UNC5C: variants seen among roughly 807,000 people sequenced by gnomAD.
UNC5C encodes the protein netrin receptor UNC5C.
Under a neutral mutation model 99.8 loss-of-function variants are expected in UNC5C, and 47 were observed. The ratio of observed to expected loss-of-function variants is 0.47; its 90% CI spans 0.37 to 0.60. The LOEUF (loss-of-function observed/expected upper bound fraction) is 0.60, where lower values mean the gene tolerates loss of function less well. Among genes scored for constraint, UNC5C ranks in the 20% least tolerant of loss-of-function variants. The pLI is 0.00. For synonymous variants in UNC5C, 487 were observed against 452.2 expected (o/e 1.08, Z -0.98); for missense variants, 1,062 against 1,165.9 (o/e 0.91, Z 1.30).
Position 95,416,896 on chromosome 4 carries a change from C to T in UNC5C, c.125-81265G>A, listed in dbSNP as rs75168107. Among the ~76,000 whole-genome samples the T allele has an allele frequency of 4.1e-3, 630 of 152,258 alleles. 10 individuals are homozygous for T. The highest frequency in any genetic ancestry group is 0.015 in the African/African-American group (607 of 41,534). ...ACACTCAACAAAGATTTACTGAATG[C>T]ATATATTAGAGCTACTGAATGCTTA... is the stretch of plus-strand genomic sequence containing the variant. On this transcript the variant is annotated intron_variant, in intron 1 of 15. Coordinates refer to ENST00000453304, the MANE Select transcript of UNC5C (RefSeq NM_003728.4).
chr4:95,343,592 A>G (rs558311144), intron 1 of UNC5C, among the ~76,000 whole-genome samples: 6 of 152,278 alleles, frequency 3.9e-5, no homozygotes, highest in Non-Finnish European at 5.9e-5. Context: ...AGAAAATTAA[A>G]TAAGACACCA....
chr4:95,522,535 A>C lies in UNC5C; in HGVS notation c.124+26199T>G, dbSNP rs113181410. ...TTTAACAATTTCATCTTTATGAAGA[A>C]GTTAACATGAAAAGCAACCTACACA... On this transcript the variant is annotated intron_variant, in intron 1 of 15. Transcript: ENST00000453304. 3.3e-3 allele frequency among the ~76,000 whole-genome samples: 498 copies of C among 152,292 alleles called. 2 individuals carry two copies. The highest frequency in any genetic ancestry group is 0.011 in the African/African-American group (472 of 41,556).
At position 95,313,785 on chromosome 4, in the gene UNC5C, C is replaced by T. The variant is rs149650178; in HGVS notation, c.347-12036G>A. Reference sequence around the variant, plus strand: ...TAAAGATTCATATGTTTAAAAATTCCACTCACCCAGGACAATTATTATTGC... The same window carrying T: ...TAAAGATTCATATGTTTAAAAATTCTACTCACCCAGGACAATTATTATTGC... On this transcript the variant is annotated intron_variant, in intron 2 of 15. Transcript: ENST00000453304. Among the ~76,000 whole-genome samples, 761 of 152,208 alleles carry T rather than the reference C, an allele frequency of 5.0e-3. 7 individuals are homozygous for T. The highest frequency in any genetic ancestry group is 0.017 in the African/African-American group (687 of 41,538).
chr4:95,186,875 C>A (rs1045613082), intron 12 of UNC5C, among the ~76,000 whole-genome samples: 5 of 152,094 alleles, frequency 3.3e-5, no homozygotes, highest in African/African-American at 1.2e-4. Context: ...GTCATTGTCC[C>A]CCTAGTCTGC....
At chr4:95,250,443 G>A (rs767578799) in intron 5 of UNC5C, 44 bp downstream of exon 5, 7 of 1,566,892 alleles carry the variant, frequency 4.5e-6, no homozygotes, top group Non-Finnish European at 6.1e-6. Flanking sequence ...ACGAGAAACT[G>A]CAGTTAAACA....
At chr4:95,503,077 A>G (rs968188076) in intron 1 of UNC5C, among the ~76,000 whole-genome samples, 1 of 152,116 alleles carries the variant, frequency 6.6e-6, no homozygotes, top group Non-Finnish European at 1.5e-5. Flanking sequence ...CCCAAAATTC[A>G]TGTGTTGGAA....
At chr4:95,537,299 T>A (rs931417147) in intron 1 of UNC5C, among the ~76,000 whole-genome samples, 2 of 152,104 alleles carry the variant, frequency 1.3e-5, no homozygotes, top group Non-Finnish European at 2.9e-5. Context: ...GCTATTGGGG[T>A]CATATGCTTA....
chr4:95,323,878 A>G (rs1302015034), intron 2 of UNC5C, among the ~76,000 whole-genome samples: 1 of 152,114 alleles, frequency 6.6e-6, no homozygotes, highest in African/African-American at 2.4e-5. Context: ...TCTACTAAAA[A>G]TACAAAAGTT....
chr4:95,539,151 C>A (rs1453370288), intron 1 of UNC5C, among the ~76,000 whole-genome samples: 2 of 152,156 alleles, frequency 1.3e-5, no homozygotes, highest in African/African-American at 4.8e-5. Flanking sequence ...AGAGAGCACC[C>A]AGAGAGGGGT....
chr4:95,244,909 T>G (rs532232332), intron 6 of UNC5C, 68 bp downstream of exon 6: 1 of 1,581,554 alleles, frequency 6.3e-7, no homozygotes, highest in Non-Finnish European at 8.7e-7. Context: ...AGTCTGTGTA[T>G]CTATTCTCTA....
chr4:95,507,552 G>A (rs1721957734), intron 1 of UNC5C, among the ~76,000 whole-genome samples: 1 of 151,876 alleles, frequency 6.6e-6, no homozygotes, highest in Non-Finnish European at 1.5e-5. Flanking sequence ...CTACACACTT[G>A]TAGCACTTAG....
intron 10 of UNC5C, among the ~76,000 whole-genome samples, chr4:95,212,548 C>T (rs1182347676): frequency 1.3e-5 from 2 of 152,148 alleles, no homozygotes; most frequent in East Asian, 3.9e-4. Flanking sequence ...TAGTTTCTCT[C>T]ATCACACCCA....
chr4:95,451,973 G>A (rs1176036694), intron 1 of UNC5C, among the ~76,000 whole-genome samples: 1 of 152,080 alleles, frequency 6.6e-6, no homozygotes, highest in African/African-American at 2.4e-5. Context: ...AAAAGAATAT[G>A]TTAGGTGGAA....
chr4:95,385,070 C>T (rs913602979), intron 1 of UNC5C, among the ~76,000 whole-genome samples: 1 of 152,028 alleles, frequency 6.6e-6, no homozygotes, highest in Non-Finnish European at 1.5e-5. Context: ...ATGAGAAATC[C>T]TCCAGACTGA....
chr4:95,511,029 C>T (rs1407120984), intron 1 of UNC5C, among the ~76,000 whole-genome samples: 1 of 151,974 alleles, frequency 6.6e-6, no homozygotes, highest in African/African-American at 2.4e-5. Context: ...ACACTGATAC[C>T]CTGGGGATAT....
At chr4:95,216,992 C>T (rs746309299) in intron 9 of UNC5C, among the ~76,000 whole-genome samples, 2 of 152,124 alleles carry the variant, frequency 1.3e-5, no homozygotes, top group Admixed American at 6.5e-5. Context: ...TGGTCTGGGG[C>T]CCACACCACT....
intron 4 of UNC5C, among the ~76,000 whole-genome samples, chr4:95,268,602 TTTC>T (rs766447562): frequency 3.9e-5 from 6 of 152,224 alleles, no homozygotes; most frequent in Admixed American, 6.5e-5. Flanking sequence ...ATCTTGCAGT[TTTC>T]TTATTATACT....
At chr4:95,414,025 G>A (rs1485578527) in intron 1 of UNC5C, among the ~76,000 whole-genome samples, 1 of 152,148 alleles carries the variant, frequency 6.6e-6, no homozygotes, top group East Asian at 1.9e-4. Context: ...GGAGGCACAT[G>A]GGCAACTACC....
intron 1 of UNC5C, among the ~76,000 whole-genome samples, chr4:95,474,516 C>T (rs1560847040): frequency 6.6e-6 from 1 of 152,136 alleles, no homozygotes; most frequent in East Asian, 1.9e-4. Context: ...TCTCGAACTC[C>T]TGACCTCAGG....
Sources: gnomAD v4.1 joint callset for allele counts (sites outside exome capture counted in the v4.1 genomes callset) on GRCh38, gnomAD v4.1.1 for gene constraint, MANE v1.5 for transcripts, NCBI Gene and HGNC (gene_info 2026-07-23, HGNC 2026-07-21) for gene names.